The following CENPA variants were observed in gnomAD, a reference collection of about 807,000 sequenced individuals.
The protein encoded by CENPA is histone H3-like centromeric protein A.
CENPA carries 7 observed loss-of-function variants against 17.2 expected under a neutral mutation model. The observed-to-expected ratio is 0.41, with a 90% confidence interval of 0.23 to 0.76. The LOEUF is 0.76. CENPA is among the 30% of genes least tolerant of loss of function. The pLI is 0.34. For synonymous variants in CENPA, 82 were observed against 77.4 expected (o/e 1.06, Z -0.31); for missense variants, 149 against 193.1 (o/e 0.77, Z 1.35).
chr2:26,793,066 A>G, intron 3 of CENPA, 79 bp from the exon 4 acceptor site: 20 of 1,564,210 alleles, frequency 1.3e-5, no homozygotes, highest in Non-Finnish European at 1.7e-5. Flanking sequence ...GCCCTCAGAG[A>G]TTAAGTTTAG....
intron 1 of CENPA, among the ~76,000 whole-genome samples, chr2:26,789,858 GCCACT>G (rs1299851371): frequency 6.6e-6 from 1 of 152,050 alleles, no homozygotes; most frequent in Non-Finnish European, 1.5e-5. Flanking sequence ...CTAATCAGCT[GCCACT>G]CCACTTCCAC....
At position 26,786,249 on chromosome 2, in the gene CENPA, C is replaced by T. The variant is rs1306090227; in HGVS notation, c.53C>T (p.Pro18Leu). Reference protein sequence around the residue: ...RKPEAPRRRSPSPTPTPGPSR... With the variant: ...RKPEAPRRRSLSPTPTPGPSR... ...CCCGAGGCCCCGAGGAGGCGCAGCC[C>T]GAGCCCGACCCCGACCCCCGGCCCC... Residue 18 changes from proline (P) to leucine (L), a missense_variant, in exon 1 of 5, where the codon CCG becomes CTG. Transcript: ENST00000335756. 1.4e-6 allele frequency: 2 copies of T among 1,387,506 alleles called. No homozygotes were observed. Among genetic ancestry groups the T allele is most frequent in the Non-Finnish European group, 1.9e-6 (2 of 1,078,456 alleles). 85.9% of individuals were successfully genotyped at this position (1,387,506 alleles called of 1,614,324 possible).
chr2:26,788,374 A>AG (rs1664551571), intron 1 of CENPA, among the ~76,000 whole-genome samples: 1 of 152,036 alleles, frequency 6.6e-6, no homozygotes. Flanking sequence ...CAAAAAAAAA[A>AG]CAGCCATCGT....
chr2:26,793,316 T>C lies in CENPA; in HGVS notation c.*37T>C. 1 of 1,611,048 alleles carries C rather than the reference T, an allele frequency of 6.2e-7. No individual in the cohort carries two copies. The highest frequency in any genetic ancestry group is 8.5e-7 in the Non-Finnish European group (1 of 1,179,126). On this transcript the variant is annotated 3_prime_UTR_variant, in exon 4 of 5. Transcript: ENST00000335756. ...CAGTGTTTCTGTCAGTCTTTCCTGC[T>C]CAGCCAGGGGGTAAGCTCATCCTCT...
In CENPA at chr2:26,786,226, C is replaced by T; in HGVS notation, c.30C>T (p.Pro10=). Residue 10 remains proline (P), a synonymous_variant, in exon 1 of 5, where the codon CCC becomes CCT. Transcript: ENST00000335756. MGPRRRSRK[P]EAPRRRSPSP... is the part of the protein sequence containing the mutation. ...GCCCGCGCCGCCGGAGCCGAAAGCCCGAGGCCCCGAGGAGGCGCAGCCCGA... is the reference window on the plus strand; with the variant it reads ...GCCCGCGCCGCCGGAGCCGAAAGCCTGAGGCCCCGAGGAGGCGCAGCCCGA... The T allele has an allele frequency of 7.0e-7, 1 of 1,432,598 alleles. No homozygotes were observed. Among genetic ancestry groups the T allele is most frequent in the South Asian group, 1.4e-5 (1 of 71,576 alleles). The allele number at this position is 1,432,598 out of a possible 1,614,324, so 88.7% of individuals were successfully genotyped here. A position where few individuals can be genotyped will look rare whatever the true frequency, so the allele number is the denominator to read the frequency against.
intron 1 of CENPA, among the ~76,000 whole-genome samples, chr2:26,791,857 A>G (rs1664620801): frequency 6.6e-6 from 1 of 152,250 alleles, no homozygotes; most frequent in African/African-American, 2.4e-5. Context: ...TCATTCACTC[A>G]TTCATTTAAC....
intron 3 of CENPA, 65 bp from the exon 4 acceptor site, chr2:26,793,080 G>A: frequency 6.3e-7 from 1 of 1,594,880 alleles, no homozygotes; most frequent in Admixed American, 1.7e-5. Context: ...AGTTTAGCAG[G>A]TTTCCAAAAA....
At chr2:26,792,362 A>G in intron 2 of CENPA, 122 bp downstream of exon 2, 1 of 737,564 alleles carries the variant, frequency 1.4e-6, no homozygotes, top group Non-Finnish European at 2.3e-6. Flanking sequence ...GTAACCTGGT[A>G]GGGGATTCTT....
At chr2:26,787,677 G>C (rs1181242174) in intron 1 of CENPA, among the ~76,000 whole-genome samples, 1 of 152,150 alleles carries the variant, frequency 6.6e-6, no homozygotes, top group Admixed American at 6.5e-5. Flanking sequence ...CACCATGCCG[G>C]CTAATTTTTT....
chr2:26,793,433 G>GA, intron 4 of CENPA, 107 bp downstream of exon 4: 1 of 996,064 alleles, frequency 1.0e-6, no homozygotes, highest in Non-Finnish European at 1.4e-6. Context: ...CTCTAGTAAA[G>GA]GTTGATCTAG....
chr2:26,791,381 G>A (rs1173450225), intron 1 of CENPA, among the ~76,000 whole-genome samples: 3 of 152,258 alleles, frequency 2.0e-5, no homozygotes, highest in South Asian at 2.1e-4. Context: ...TTTGATTCAT[G>A]AGTTTTTAAT....
In CENPA at chr2:26,792,235, C is replaced by G; in HGVS notation, c.205C>G (p.Arg69Gly). 6.2e-7 allele frequency: 1 copy of G among 1,612,804 alleles called. No homozygotes were observed. The highest frequency in any genetic ancestry group is 8.5e-7 in the Non-Finnish European group (1 of 1,179,444). ...HLLIRKLPFSRLAREICVKFT... is the reference protein window; with the variant it reads ...HLLIRKLPFSGLAREICVKFT... Reference sequence around the variant, plus strand: ...CTTGATAAGGAAGCTGCCCTTCAGCCGCCTGGTAAGCTCCGGGAGCTTCCC... The same window carrying G: ...CTTGATAAGGAAGCTGCCCTTCAGCGGCCTGGTAAGCTCCGGGAGCTTCCC... Residue 69 changes from arginine (R) to glycine (G), a missense_variant, in exon 2 of 5, where the codon CGC (arginine) becomes GGC (glycine). This residue lies in a region of CENPA where 54 missense variants were observed against 105.7 expected (regional missense o/e 0.51). Coordinates refer to ENST00000335756, the MANE Select transcript of CENPA (RefSeq NM_001809.4).
chr2:26,786,110 C>T lies in CENPA; in HGVS notation c.-87C>T. On this transcript the variant is annotated 5_prime_UTR_variant, in exon 1 of 5. Coordinates refer to ENST00000335756, the MANE Select transcript of CENPA (RefSeq NM_001809.4). ...GGCTCGCGGCACAGCGTTCTCTGGG[C>T]TCCCCAGAAGCCAGCCTTTCGCTCC... 1.5e-6 allele frequency: 2 copies of T among 1,320,978 alleles called. No homozygotes were observed. The highest frequency in any genetic ancestry group is 1.9e-6 in the Non-Finnish European group (2 of 1,037,470). The allele number at this position is 1,320,978 out of a possible 1,614,324, so 81.8% of individuals were successfully genotyped here. A position where few individuals can be genotyped will look rare whatever the true frequency, so the allele number is the denominator to read the frequency against.
intron 1 of CENPA, among the ~76,000 whole-genome samples, chr2:26,787,162 T>C (rs1202328683): frequency 1.3e-5 from 2 of 152,240 alleles, no homozygotes; most frequent in Admixed American, 6.5e-5. Flanking sequence ...TGCCTGGGCC[T>C]CCCAAAGTGC....
intron 4 of CENPA, 64 bp downstream of exon 4, chr2:26,793,390 C>A: frequency 6.9e-7 from 1 of 1,439,456 alleles, no homozygotes; most frequent in Non-Finnish European, 9.4e-7. Context: ...TTTCTCCATC[C>A]ATAGTCCCTT....
At chr2:26,793,438 A>G (rs988288472) in intron 4 of CENPA, 112 bp downstream of exon 4, 52 of 862,208 alleles carry the variant, frequency 6.0e-5, no homozygotes, top group African/African-American at 6.7e-5. Flanking sequence ...GTAAAGGTTG[A>G]TCTAGTTTTG....
Position 26,786,191 on chromosome 2 carries a change from C to T in CENPA, c.-6C>T. 1 of 1,444,946 alleles carries T rather than the reference C, an allele frequency of 6.9e-7. No individual in the cohort carries two copies. Among genetic ancestry groups the T allele is most frequent in the South Asian group, 1.4e-5 (1 of 73,894 alleles). The allele number at this position is 1,444,946 out of a possible 1,614,324, so 89.5% of individuals were successfully genotyped here. ...GACCGGGCGCCAGCACCCTCTGCGG[C>T]GTGTCATGGGCCCGCGCCGCCGGAG... On this transcript the variant is annotated 5_prime_UTR_variant, in exon 1 of 5. Transcript: ENST00000335756.
At chr2:26,792,077 C>A in intron 1 of CENPA, 54 bp from the exon 2 acceptor site, 1 of 1,476,982 alleles carries the variant, frequency 6.8e-7, no homozygotes, top group Non-Finnish European at 9.4e-7. Flanking sequence ...CCTGACTCAG[C>A]CAAGCTGCGA....
At position 26,793,199 on chromosome 2, in the gene CENPA, C is replaced by T. The variant is rs1246688513; in HGVS notation, c.343C>T (p.His115Tyr). ...LFEDAYLLTLHAGRVTLFPKD... is the reference protein window; with the variant it reads ...LFEDAYLLTLYAGRVTLFPKD... Reference sequence around the variant, plus strand: ...TGAGGACGCCTATCTCCTCACCTTACATGCAGGCCGAGTTACTCTCTTCCC... The same window carrying T: ...TGAGGACGCCTATCTCCTCACCTTATATGCAGGCCGAGTTACTCTCTTCCC... Residue 115 changes from histidine to tyrosine, a missense_variant, in exon 4 of 5, where the codon CAT becomes TAT. His to Tyr is a moderately conservative substitution (Grantham distance 83, BLOSUM62 2). This residue lies in a region of CENPA where 54 missense variants were observed against 105.7 expected (regional missense o/e 0.51). Transcript: ENST00000335756. 1.2e-6 allele frequency: 2 copies of T among 1,614,090 alleles called. No individual in the cohort carries two copies. Among genetic ancestry groups the T allele is most frequent in the Non-Finnish European group, 1.7e-6 (2 of 1,180,044 alleles).
Sources: gnomAD v4.1 joint callset for allele counts (sites outside exome capture counted in the v4.1 genomes callset) on GRCh38, gnomAD v4.1.1 for gene constraint, gnomAD v4.1.1 regional missense constraint, MANE v1.5 for transcripts, NCBI Gene and HGNC (gene_info 2026-07-23, HGNC 2026-07-21) for gene names.